The following ADAMTS9 variants were observed in gnomAD, a reference collection of about 807,000 sequenced individuals.
The protein encoded by ADAMTS9 is ADAM metallopeptidase with thrombospondin type 1 motif 9, also known as A disintegrin and metalloproteinase with thrombospondin motifs 9.
A neutral mutation model predicts 257.1 loss-of-function variants in ADAMTS9; 107 were observed. The ratio of observed to expected loss-of-function variants is 0.42; its 90% CI spans 0.36 to 0.49. ADAMTS9 has a LOEUF of 0.49. ADAMTS9 is among the 20% of genes least tolerant of loss of function. The probability of loss-of-function intolerance (pLI) is 0.03; values close to 1 mark genes in which losing one functional copy is unlikely to be tolerated. For missense variants in ADAMTS9, 2,353 were observed against 2,469.1 expected, an observed-to-expected ratio of 0.95 and a Z score of 1.00; for synonymous variants, 982 against 880.9, an observed-to-expected ratio of 1.11 and a Z score of -2.03.
intron 27 of ADAMTS9, 80 bp downstream of exon 27, chr3:64,596,750 T>C (rs1025031998): frequency 6.4e-7 from 1 of 1,553,872 alleles, no homozygotes; most frequent in East Asian, 2.3e-5. Context: ...GTTCTTCTCC[T>C]TGAAAATAAA....
chr3:64,639,293 G>GTTTTTTTT (rs753448050), intron 12 of ADAMTS9, among the ~76,000 whole-genome samples: 2 of 56,954 alleles, frequency 3.5e-5, no homozygotes, highest in African/African-American at 8.8e-5. Context: ...TAGGTGGATT[G>GTTTTTTTT]TTTTTTTTTT....
chr3:64,610,737 A>T (rs1381325681), intron 22 of ADAMTS9, among the ~76,000 whole-genome samples: 2 of 152,158 alleles, frequency 1.3e-5, no homozygotes, highest in African/African-American at 4.8e-5. Context: ...GATAATAAAA[A>T]TGCAAAATTA....
chr3:64,539,582 A>G (rs2083095013), intron 36 of ADAMTS9, among the ~76,000 whole-genome samples: 1 of 152,192 alleles, frequency 6.6e-6, no homozygotes, highest in African/African-American at 2.4e-5. Flanking sequence ...TGACTTTGGA[A>G]TTGATTCCTA....
chr3:64,637,417 T>C (rs964569993), intron 12 of ADAMTS9, among the ~76,000 whole-genome samples: 1 of 152,222 alleles, frequency 6.6e-6, no homozygotes, highest in Non-Finnish European at 1.5e-5. Context: ...AGGAAATTGC[T>C]AGAGTAATTA....
chr3:64,615,161 A>G (rs2084737886), intron 21 of ADAMTS9, 160 bp downstream of exon 21: 1 of 842,436 alleles, frequency 1.2e-6, no homozygotes, highest in Non-Finnish European at 1.8e-6. Context: ...TACGACAGTC[A>G]TGGTGCAGGC....
At chr3:64,568,310 G>A in intron 29 of ADAMTS9, 58 bp downstream of exon 29, 1 of 1,551,444 alleles carries the variant, frequency 6.4e-7, no homozygotes, top group Non-Finnish European at 8.7e-7. Context: ...GAACACACTG[G>A]GGTCAGCCAC....
chr3:64,522,246 G>A lies in ADAMTS9; in HGVS notation c.5733C>T (p.Val1911=), dbSNP rs1366340968. The A allele has an allele frequency of 2.5e-6, 4 of 1,613,958 alleles. No homozygotes were observed. The highest frequency in any genetic ancestry group is 1.7e-6 in the Non-Finnish European group (2 of 1,179,908). ...CACAGTAACCACCGCATTTCCCTAC[G>A]ACTCGGGTACCATCCTGCAAGGAGA... The part of the protein sequence containing the change: ...DIKKSPDGTR[V]VGKCGGYCGK... Residue 1911 remains valine (V), a synonymous_variant, in exon 39 of 40, where the codon GTC becomes GTT. Transcript: ENST00000498707.
At chr3:64,580,913 G>A (rs893079402) in intron 28 of ADAMTS9, among the ~76,000 whole-genome samples, 2 of 152,166 alleles carry the variant, frequency 1.3e-5, no homozygotes, top group African/African-American at 4.8e-5. Flanking sequence ...AGTTTTGAAA[G>A]CTCCCCAAGA....
intron 4 of ADAMTS9, among the ~76,000 whole-genome samples, chr3:64,656,605 A>G (rs1701076781): frequency 6.6e-6 from 1 of 152,194 alleles, no homozygotes; most frequent in African/African-American, 2.4e-5. Flanking sequence ...AGTTTGACCC[A>G]AAGTCCATGT....
At chr3:64,556,753 C>CCTTCCTTCCTTT (rs1192799644) in intron 30 of ADAMTS9, among the ~76,000 whole-genome samples, 3 of 149,710 alleles carry the variant, frequency 2.0e-5, no homozygotes, top group Non-Finnish European at 3.0e-5. Flanking sequence ...TTCCTTCCTT[C>CCTTCCTTCCTTT]CTCCCTCCCT....
In ADAMTS9 at chr3:64,686,594, C is replaced by A; in HGVS notation, c.490G>T (p.Ala164Ser). 6.2e-7 allele frequency: 1 copy of A among 1,612,350 alleles called. No individual in the cohort carries two copies. The highest frequency in any genetic ancestry group is 8.5e-7 in the Non-Finnish European group (1 of 1,179,288). Residue 164 changes from alanine to serine, a missense_variant, in exon 2 of 40, where the codon GCC becomes TCC. Coordinates refer to ENST00000498707, the MANE Select transcript of ADAMTS9 (RefSeq NM_182920.2). This position sits in a 1 kb window ranked among gnomAD's most constrained non-coding sequence, Gnocchi z 4.6. ...GYVNTNSEHT[A>S]VISLCSGMLG... The stretch of plus-strand genomic sequence containing the variant: ...ATTCCTGAGCAGAGGCTGATGACGG[C>A]CGTGTGCTCGGAGTTGGTATTGACA...
At chr3:64,531,414 T>G (rs763584331) in intron 38 of ADAMTS9, among the ~76,000 whole-genome samples, 13 of 151,886 alleles carry the variant, frequency 8.6e-5, no homozygotes, top group Non-Finnish European at 1.6e-4. Context: ...TTAGTATAAC[T>G]ATGTCCCATG....
At chr3:64,563,936 G>A (rs980654166) in intron 29 of ADAMTS9, among the ~76,000 whole-genome samples, 1 of 152,218 alleles carries the variant, frequency 6.6e-6, no homozygotes, top group Non-Finnish European at 1.5e-5. Context: ...TTTGCATAGA[G>A]AGCCAGCCAG....
intron 19 of ADAMTS9, 138 bp downstream of exon 19, chr3:64,620,976 T>C (rs1700089059): frequency 1.6e-5 from 17 of 1,079,030 alleles, no homozygotes; most frequent in South Asian, 1.2e-4. Flanking sequence ...GGATGGAGAA[T>C]TGGTTAAAGC....
chr3:64,531,804 CTTT>C (rs909062020), intron 38 of ADAMTS9, among the ~76,000 whole-genome samples: 2 of 152,204 alleles, frequency 1.3e-5, no homozygotes, highest in African/African-American at 4.8e-5. Context: ...CAGCTCTCTT[CTTT>C]GTCTTCCCCT....
rs1042402522 is a variant in ADAMTS9 at position 64,546,857 on chromosome 3, G to T, written c.4965C>A (p.Thr1655=). The change falls in exon 32 of 40, where the codon ACC becomes ACA. Residue 1655 remains threonine (T), a synonymous_variant. Transcript: ENST00000498707. The part of the protein sequence containing the change: ...GKENYEYSYQ[T]TINCPGTQPP... ...GCTGCGTGCCTGGGCAGTTGATGGT[G>T]GTTTGGTAGCTGTATTCATAATTCT... is the stretch of plus-strand genomic sequence containing the variant. The T allele has an allele frequency of 6.2e-7, 1 of 1,614,110 alleles. No individual in the cohort carries two copies. The highest frequency in any genetic ancestry group is 8.5e-7 in the Non-Finnish European group (1 of 1,180,002).
At position 64,601,980 on chromosome 3, in the gene ADAMTS9, G is replaced by A. The variant is rs149580497; in HGVS notation, c.3981C>T (p.Leu1327=). 76 of 1,613,088 alleles carry A rather than the reference G, an allele frequency of 4.7e-5. No individual in the cohort carries two copies. The African/African-American group carries it at 6.9e-4, about 15-fold the overall frequency. ...RSASPSRTHV[L]GGNQWRTGPW... is the part of the protein sequence containing the mutation. ...GGCCAGTTCTCCACTGGTTTCCACCGAGCACATGGGTGCGGCTGGGGCTGG... is the reference window on the plus strand; with the variant it reads ...GGCCAGTTCTCCACTGGTTTCCACCAAGCACATGGGTGCGGCTGGGGCTGG... Residue 1327 remains leucine, a synonymous_variant, in exon 26 of 40, where the codon CTC becomes CTT. Coordinates refer to ENST00000498707, the MANE Select transcript of ADAMTS9 (RefSeq NM_182920.2).
intron 22 of ADAMTS9, among the ~76,000 whole-genome samples, chr3:64,608,051 A>C (rs2084590177): frequency 6.6e-6 from 1 of 152,110 alleles, no homozygotes; most frequent in African/African-American, 2.4e-5. Flanking sequence ...AGAAATCATA[A>C]GGGATATTAG....
At chr3:64,601,859 A>C in intron 26 of ADAMTS9, 85 bp downstream of exon 26, 1 of 1,465,200 alleles carries the variant, frequency 6.8e-7, no homozygotes, top group Non-Finnish European at 9.1e-7. Context: ...AGAAAAAAAT[A>C]TGCTCTAAAG....
Sources: gnomAD v4.1 joint callset for allele counts (sites outside exome capture counted in the v4.1 genomes callset) on GRCh38, gnomAD v4.1.1 for gene constraint, Gnocchi (gnomAD v3.1) non-coding constraint, MANE v1.5 for transcripts, NCBI Gene and HGNC (gene_info 2026-07-23, HGNC 2026-07-21) for gene names.